Variants in SGCZ observed in about 807,000 individuals in gnomAD.
SGCZ encodes the protein zeta-sarcoglycan.
SGCZ carries 40 observed loss-of-function variants against 41.3 expected under a neutral mutation model. That is an observed-to-expected ratio of 0.97 (90% confidence interval 0.75 to 1.26). SGCZ has a LOEUF of 1.26. Ranked by LOEUF, SGCZ falls within the 50% of genes most tolerant of loss-of-function variation. The pLI, the probability that SGCZ is intolerant of heterozygous loss-of-function variation, is 0.00. For missense variants in SGCZ, 552 were observed against 369.8 expected, an observed-to-expected ratio of 1.49 and a Z score of -4.04; for synonymous variants, 206 against 137.5, an observed-to-expected ratio of 1.50 and a Z score of -3.49.
intron 1 of SGCZ, among the ~76,000 whole-genome samples, chr8:14,704,574 C>G (rs1809268045): frequency 6.6e-6 from 1 of 151,782 alleles, no homozygotes; most frequent in Admixed American, 6.6e-5. Context: ...AAATTAACAC[C>G]AGGTCATGTG....
At chr8:14,887,340 C>T (rs1014142061) in intron 1 of SGCZ, among the ~76,000 whole-genome samples, 4 of 152,198 alleles carry the variant, frequency 2.6e-5, no homozygotes, top group South Asian at 4.1e-4. Context: ...ATTGGATTAA[C>T]TTGATTCATA....
rs892831271 is a variant in SGCZ, at chr8:14,534,464, C to T, written c.234+20268G>A. On this transcript the variant is annotated intron_variant, in intron 2 of 7. Transcript: ENST00000382080. ...TGTCATCTTGCATTATTAACCTTCA[C>T]TCTTTCCTTTATCCAATCAGTAAGT... Among the ~76,000 whole-genome samples, 7 of 152,146 alleles carry T rather than the reference C, an allele frequency of 4.6e-5. 1 individual carries two copies. The South Asian group carries it at 1.5e-3, about 32-fold the overall frequency.
rs75759340 is a variant in SGCZ at position 14,725,306 on chromosome 8, C to A, written c.40-170380G>T. On this transcript the variant is annotated intron_variant, in intron 1 of 7. Transcript: ENST00000382080. ...TGTTGCAATAAACATGGGAATGCAG[C>A]TATCTCTTTGATATATTTATTTTCT... Among the ~76,000 whole-genome samples, 1,413 of 152,240 alleles carry A rather than the reference C, an allele frequency of 9.3e-3. 16 individuals carry two copies. The highest frequency in any genetic ancestry group is 0.031 in the Middle Eastern group (9 of 294).
At chr8:15,076,959 T>C (rs922451021) in intron 1 of SGCZ, among the ~76,000 whole-genome samples, 1 of 152,180 alleles carries the variant, frequency 6.6e-6, no homozygotes, top group African/African-American at 2.4e-5. Flanking sequence ...TTAAAAGCTA[T>C]GAGATTTGAC....
chr8:14,321,260 C>T (rs1378368032), intron 3 of SGCZ, among the ~76,000 whole-genome samples: 1 of 151,824 alleles, frequency 6.6e-6, no homozygotes, highest in Non-Finnish European at 1.5e-5. Context: ...CCTGGATACA[C>T]TATGATATGT....
intron 2 of SGCZ, among the ~76,000 whole-genome samples, chr8:14,378,680 G>A (rs112256018): frequency 0.019 from 2,952 of 152,258 alleles, 77 homozygotes; most frequent in African/African-American, 0.055. Context: ...TAGGATTTGC[G>A]ATTGGCATCT....
At chr8:15,132,142 T>G (rs1372097080) in intron 1 of SGCZ, among the ~76,000 whole-genome samples, 1 of 152,164 alleles carries the variant, frequency 6.6e-6, no homozygotes, top group Non-Finnish European at 1.5e-5. Context: ...CTTGCTATTA[T>G]TTTTTTCATA....
chr8:14,724,787 T>C (rs1810000055), intron 1 of SGCZ, among the ~76,000 whole-genome samples: 1 of 152,138 alleles, frequency 6.6e-6, no homozygotes, highest in African/African-American at 2.4e-5. Flanking sequence ...TGTTTAATGA[T>C]TAAATTAGGG....
At chr8:15,053,315 G>T (rs112133567) in intron 1 of SGCZ, among the ~76,000 whole-genome samples, 1 of 150,290 alleles carries the variant, frequency 6.7e-6, no homozygotes, top group East Asian at 2.0e-4. Flanking sequence ...TGATATAGTC[G>T]TCACTATATC....
intron 1 of SGCZ, among the ~76,000 whole-genome samples, chr8:15,158,098 TC>T (rs1281260659): frequency 3.3e-5 from 5 of 152,014 alleles, no homozygotes; most frequent in Non-Finnish European, 7.4e-5. Flanking sequence ...TTACCATTTC[TC>T]CTTTTCTCTA....
intron 2 of SGCZ, among the ~76,000 whole-genome samples, chr8:14,476,654 A>G (rs1585566332): frequency 6.6e-6 from 1 of 152,246 alleles, no homozygotes; most frequent in East Asian, 1.9e-4. Context: ...CTATGTTTCA[A>G]ATTCTACCCA....
chr8:15,016,028 C>A (rs993155803), intron 1 of SGCZ, among the ~76,000 whole-genome samples: 5 of 151,276 alleles, frequency 3.3e-5, no homozygotes, highest in African/African-American at 4.8e-5. Flanking sequence ...ATTTGACAGC[C>A]TTTATTGCTA....
intron 2 of SGCZ, among the ~76,000 whole-genome samples, chr8:14,517,909 A>G (rs1802672589): frequency 6.6e-6 from 1 of 151,664 alleles, no homozygotes; most frequent in Non-Finnish European, 1.5e-5. Context: ...TATTTTTCAT[A>G]AGTGTTTGTT....
chr8:14,905,609 A>G (rs1034951001), intron 1 of SGCZ, among the ~76,000 whole-genome samples: 1 of 152,072 alleles, frequency 6.6e-6, no homozygotes. Context: ...ACAAACTAGG[A>G]AAATTATTCT....
intron 2 of SGCZ, among the ~76,000 whole-genome samples, chr8:14,443,108 A>G (rs28447216): frequency 0.032 from 4,935 of 152,196 alleles, 278 homozygotes; most frequent in African/African-American, 0.11. Context: ...TACAAGGGAC[A>G]TGAAGGACCT....
chr8:14,548,069 C>G (rs1196878954), intron 2 of SGCZ, among the ~76,000 whole-genome samples: 1 of 152,104 alleles, frequency 6.6e-6, no homozygotes, highest in African/African-American at 2.4e-5. Flanking sequence ...TAGTATATGT[C>G]AGGTACTTCT....
chr8:15,005,489 T>A (rs1156838458), intron 1 of SGCZ, among the ~76,000 whole-genome samples: 2 of 151,782 alleles, frequency 1.3e-5, no homozygotes, highest in Non-Finnish European at 2.9e-5. Flanking sequence ...GCGCCACCAC[T>A]CCCAGCTAAT....
chr8:15,002,355 G>A (rs1420450522), intron 1 of SGCZ, among the ~76,000 whole-genome samples: 1 of 152,148 alleles, frequency 6.6e-6, no homozygotes, highest in African/African-American at 2.4e-5. Context: ...TGCACGGTTG[G>A]TGCCTTCTGA....
At chr8:15,215,695 G>C (rs1283831503) in intron 1 of SGCZ, among the ~76,000 whole-genome samples, 4 of 152,106 alleles carry the variant, frequency 2.6e-5, no homozygotes, top group African/African-American at 9.7e-5. Flanking sequence ...TGAAACTTTT[G>C]CTAAGGCAGT....
Sources: allele counts gnomAD v4.1 joint callset (sites outside exome capture counted in the v4.1 genomes callset), GRCh38; gene constraint gnomAD v4.1.1; transcripts MANE v1.5; gene names NCBI Gene and HGNC (gene_info 2026-07-23, HGNC 2026-07-21).